Variants in MYT1L observed in about 807,000 individuals in gnomAD.
MYT1L encodes myelin transcription factor 1-like protein.
A neutral mutation model predicts 126.7 loss-of-function variants in MYT1L; 12 were observed. That is an observed-to-expected ratio of 0.09 (90% CI 0.06 to 0.15). The LOEUF (loss-of-function observed/expected upper bound fraction) is 0.15, where lower values mean the gene tolerates loss of function less well. MYT1L is among the 10% of genes least tolerant of loss of function. The pLI is 1.00. For synonymous variants in MYT1L, 541 were observed against 604.2 expected, an observed-to-expected ratio of 0.90 and a Z score of 1.53; for missense variants, 979 against 1,585.2, an observed-to-expected ratio of 0.62 and a Z score of 6.49.
chr2:2,185,599 C>T (rs1043361399), intron 2 of MYT1L, among the ~76,000 whole-genome samples: 3 of 146,754 alleles, frequency 2.0e-5, no homozygotes, highest in African/African-American at 7.7e-5. Flanking sequence ...CCAGGCCTTC[C>T]GGGCCTTCCC....
At position 2,158,649 on chromosome 2, in the gene MYT1L, G is replaced by GCA. The variant is rs72174149; in HGVS notation, c.-304+14222_-304+14223insTG. ...CACACACACACACACACACACACACGCGTAGGTGGACACGGGTGCACACAC... is the reference window on the plus strand; with the variant it reads ...CACACACACACACACACACACACACGCACGTAGGTGGACACGGGTGCACACAC... On this transcript the variant is annotated intron_variant, in intron 3 of 24. Transcript: ENST00000647738. 7.6e-3 allele frequency among the ~76,000 whole-genome samples: 860 copies of GCA among 113,006 alleles called. 10 individuals are homozygous for GCA. Among genetic ancestry groups the GCA allele is most frequent in the African/African-American group, 0.028 (815 of 28,924 alleles). 74.1% of individuals were successfully genotyped at this position (113,006 alleles called of 152,430 possible). A position where few individuals can be genotyped will look rare whatever the true frequency, so the allele number is the denominator to read the frequency against.
chr2:1,878,287 C>T (rs1297686162), intron 18 of MYT1L, among the ~76,000 whole-genome samples: 1 of 152,172 alleles, frequency 6.6e-6, no homozygotes. Flanking sequence ...CACATTTAAT[C>T]TGTCTACAAA....
At chr2:1,808,577 C>G (rs2036088499) in intron 22 of MYT1L, among the ~76,000 whole-genome samples, 1 of 152,212 alleles carries the variant, frequency 6.6e-6, no homozygotes, top group Admixed American at 6.5e-5. Flanking sequence ...GCAGAACTCT[C>G]TACACACCTG....
intron 1 of MYT1L, among the ~76,000 whole-genome samples, chr2:2,285,568 C>G (rs1164278643): frequency 6.6e-6 from 1 of 152,208 alleles, no homozygotes; most frequent in Non-Finnish European, 1.5e-5. Context: ...TTGCATATCT[C>G]TTTACCTCTA....
chr2:1,930,100 G>A (rs2149164938), intron 9 of MYT1L, among the ~76,000 whole-genome samples: 1 of 152,280 alleles, frequency 6.6e-6, no homozygotes, highest in Admixed American at 6.5e-5. Flanking sequence ...CACTCAAGAA[G>A]AACCCTTCCT....
chr2:2,164,024 A>G (rs976817267), intron 3 of MYT1L, among the ~76,000 whole-genome samples: 97 of 152,122 alleles, frequency 6.4e-4, no homozygotes, highest in African/African-American at 2.3e-3. Flanking sequence ...CAATACACAT[A>G]TTTTTATAAA....
At chr2:2,034,164 T>C (rs372844238) in intron 4 of MYT1L, among the ~76,000 whole-genome samples, 22 of 152,290 alleles carry the variant, frequency 1.4e-4, no homozygotes, top group African/African-American at 5.1e-4. Context: ...GGAAAGGAGC[T>C]AAGCAGAAAA....
intron 21 of MYT1L, among the ~76,000 whole-genome samples, chr2:1,813,893 A>G (rs7420263): frequency 0.46 from 34,510 of 75,442 alleles, 9,445 homozygotes; most frequent in Middle Eastern, 0.63. Flanking sequence ...CGGGCGTGGT[A>G]GCGGGCGCCT....
At chr2:2,185,456 C>G (rs543941611) in intron 2 of MYT1L, among the ~76,000 whole-genome samples, 1 of 120,054 alleles carries the variant, frequency 8.3e-6, no homozygotes, top group Non-Finnish European at 1.7e-5. Flanking sequence ...CGGGCCTCCT[C>G]GAGTCCCGCG....
At chr2:2,293,789 G>A (rs1408661706) in intron 1 of MYT1L, among the ~76,000 whole-genome samples, 1 of 152,162 alleles carries the variant, frequency 6.6e-6, no homozygotes, top group Non-Finnish European at 1.5e-5. Context: ...CTCCTCTGGA[G>A]TCAGACGTTT....
intron 4 of MYT1L, among the ~76,000 whole-genome samples, chr2:2,014,194 C>CTTTT (rs2064127221): frequency 2.8e-5 from 4 of 140,744 alleles, no homozygotes; most frequent in Non-Finnish European, 6.3e-5. Flanking sequence ...TGCAGGAATC[C>CTTTT]TGTTTTTTTT....
At position 2,233,354 on chromosome 2, in the gene MYT1L, C is replaced by T. The variant is rs142714581; in HGVS notation, c.-421+51050G>A. ...TGAGATGCGGGGGTGTGGCCTGCCA[C>T]GTCTCATCTCAGTCCTGGAGACCAA... On this transcript the variant is annotated intron_variant, in intron 2 of 24. Transcript: ENST00000647738. 3.8e-3 allele frequency among the ~76,000 whole-genome samples: 576 copies of T among 152,240 alleles called. 3 individuals carry two copies. The highest frequency in any genetic ancestry group is 0.01 in the Middle Eastern group (3 of 294).
intron 4 of MYT1L, among the ~76,000 whole-genome samples, chr2:2,005,771 C>T (rs959467606): frequency 2.9e-5 from 4 of 139,212 alleles, no homozygotes; most frequent in Non-Finnish European, 4.6e-5. Flanking sequence ...TTCCTGCGTG[C>T]CTTCTTTCCT....
chr2:1,810,724 G>C (rs1003044835), intron 21 of MYT1L, among the ~76,000 whole-genome samples: 4 of 152,150 alleles, frequency 2.6e-5, no homozygotes, highest in Non-Finnish European at 5.9e-5. Context: ...AGAAGAACTT[G>C]ATCGTAATAC....
intron 3 of MYT1L, among the ~76,000 whole-genome samples, chr2:2,060,207 C>T (rs2070210447): frequency 6.6e-6 from 1 of 152,180 alleles, no homozygotes; most frequent in Non-Finnish European, 1.5e-5. Context: ...ACTGTAGGGT[C>T]CCTTTCACAG....
intron 18 of MYT1L, among the ~76,000 whole-genome samples, chr2:1,870,254 G>A (rs967919696): frequency 6.6e-6 from 1 of 152,246 alleles, no homozygotes; most frequent in East Asian, 1.9e-4. Context: ...GAGTCCTCAA[G>A]CTCTCTGTCC....
intron 11 of MYT1L, among the ~76,000 whole-genome samples, chr2:1,915,059 CCTT>C (rs2052628306): frequency 6.6e-6 from 1 of 152,260 alleles, no homozygotes; most frequent in African/African-American, 2.4e-5. Context: ...ATGCCCATGT[CCTT>C]CTCTCAGCCG....
intron 9 of MYT1L, among the ~76,000 whole-genome samples, chr2:1,927,806 G>A (rs2054431335): frequency 6.6e-6 from 1 of 152,088 alleles, no homozygotes; most frequent in South Asian, 2.1e-4. Flanking sequence ...GTGGTGTTTT[G>A]TTACATAAAT....
chr2:2,143,022 G>A (rs1440937227), intron 3 of MYT1L, among the ~76,000 whole-genome samples: 1 of 150,798 alleles, frequency 6.6e-6, no homozygotes. Flanking sequence ...TGGGCGCGGT[G>A]GCTCGAGCCT....
Sources: gnomAD v4.1 joint callset for allele counts (sites outside exome capture counted in the v4.1 genomes callset) on GRCh38, gnomAD v4.1.1 for gene constraint, MANE v1.5 for transcripts, NCBI Gene and HGNC (gene_info 2026-07-23, HGNC 2026-07-21) for gene names.